The following TRIM9 variants were observed in gnomAD, a reference collection of about 807,000 sequenced individuals.
TRIM9 encodes the protein E3 ubiquitin-protein ligase TRIM9.
Under a neutral mutation model 78.3 loss-of-function variants are expected in TRIM9, and 26 were observed. The ratio of observed to expected loss-of-function variants is 0.33; its 90% CI spans 0.24 to 0.46. The LOEUF is 0.46. TRIM9 is among the 20% of genes least tolerant of loss of function. TRIM9 has a pLI of 1.00. For missense variants in TRIM9, 787 were observed against 1,036.4 expected, an observed-to-expected ratio of 0.76 and a Z score of 3.30; for synonymous variants, 398 against 416.5, an observed-to-expected ratio of 0.96 and a Z score of 0.54.
intron 1 of TRIM9, among the ~76,000 whole-genome samples, chr14:51,030,845 T>G (rs564329406): frequency 6.6e-6 from 1 of 151,970 alleles, no homozygotes; most frequent in South Asian, 2.1e-4. Flanking sequence ...TATTGTTAAT[T>G]GGTTATAAGA....
At chr14:51,083,181 C>T (rs1390208889) in intron 1 of TRIM9, among the ~76,000 whole-genome samples, 1 of 152,128 alleles carries the variant, frequency 6.6e-6, no homozygotes, top group Admixed American at 6.5e-5. Flanking sequence ...GAATCTTTGT[C>T]TAGTTTTCTA....
chr14:51,081,289 CA>C (rs1274311241), intron 1 of TRIM9, among the ~76,000 whole-genome samples: 1 of 152,038 alleles, frequency 6.6e-6, no homozygotes, highest in Non-Finnish European at 1.5e-5. Flanking sequence ...AAATCAAAAC[CA>C]CAAGACTTCA....
At chr14:51,036,033 T>C (rs947486268) in intron 1 of TRIM9, among the ~76,000 whole-genome samples, 4 of 152,178 alleles carry the variant, frequency 2.6e-5, no homozygotes, top group Non-Finnish European at 5.9e-5. Flanking sequence ...TCCAGCACTC[T>C]AGGTAAAAGC....
At chr14:50,996,157 C>T in intron 7 of TRIM9, 3 of 985,018 alleles carry the variant, frequency 3.0e-6, no homozygotes, top group Non-Finnish European at 3.6e-6. Context: ...TGATGATAGG[C>T]TTTTCTTTGT....
At chr14:51,036,029 A>G (rs1233503988) in intron 1 of TRIM9, among the ~76,000 whole-genome samples, 1 of 152,138 alleles carries the variant, frequency 6.6e-6, no homozygotes, top group Non-Finnish European at 1.5e-5. Context: ...TGCCTCCAGC[A>G]CTCTAGGTAA....
intron 1 of TRIM9, among the ~76,000 whole-genome samples, chr14:51,062,523 T>C (rs1407071983): frequency 6.6e-6 from 1 of 152,146 alleles, no homozygotes; most frequent in Non-Finnish European, 1.5e-5. Flanking sequence ...TTTGAAGGCA[T>C]TGGAGAGCAA....
chr14:50,984,346 A>G (rs1021959289), intron 8 of TRIM9, among the ~76,000 whole-genome samples: 3 of 152,276 alleles, frequency 2.0e-5, no homozygotes, highest in Non-Finnish European at 4.4e-5. Flanking sequence ...AGAATTAAAA[A>G]AGCAACTTAC....
chr14:51,052,418 C>T (rs1169732362), intron 1 of TRIM9, among the ~76,000 whole-genome samples: 1 of 152,214 alleles, frequency 6.6e-6, no homozygotes, highest in East Asian at 1.9e-4. Context: ...TCCTCTTCTC[C>T]TGGGAATTAA....
chr14:51,052,452 C>T (rs919484039), intron 1 of TRIM9, among the ~76,000 whole-genome samples: 1 of 152,126 alleles, frequency 6.6e-6, no homozygotes, highest in African/African-American at 2.4e-5. Context: ...CAACCCCAGC[C>T]CCTGGAGTTA....
At chr14:51,065,263 A>G (rs953443764) in intron 1 of TRIM9, among the ~76,000 whole-genome samples, 2 of 152,190 alleles carry the variant, frequency 1.3e-5, no homozygotes, top group Non-Finnish European at 2.9e-5. Context: ...TAAGAAGTCA[A>G]CTTTGAAACC....
intron 1 of TRIM9, among the ~76,000 whole-genome samples, chr14:51,026,102 G>A (rs931256657): frequency 6.6e-6 from 1 of 152,192 alleles, no homozygotes; most frequent in Admixed American, 6.5e-5. Context: ...ACACAATCCT[G>A]ACGGACGACA....
intron 6 of TRIM9, 75 bp downstream of exon 6, chr14:51,000,608 C>T (rs2054853556): frequency 6.3e-7 from 1 of 1,579,786 alleles, no homozygotes; most frequent in Non-Finnish European, 8.6e-7. Context: ...GAAGCCAGCC[C>T]TGAGACTCCC....
intron 12 of TRIM9, among the ~76,000 whole-genome samples, chr14:50,978,501 C>T (rs1236754020): frequency 6.6e-6 from 1 of 152,172 alleles, no homozygotes; most frequent in Non-Finnish European, 1.5e-5. Flanking sequence ...CAGGCTGTTC[C>T]CTCTGTCTGG....
intron 1 of TRIM9, among the ~76,000 whole-genome samples, chr14:51,075,757 G>A (rs1003147769): frequency 4.6e-5 from 7 of 152,154 alleles, no homozygotes; most frequent in African/African-American, 9.7e-5. Context: ...TTCCCAAGGC[G>A]GGGAGTGGGT....
At chr14:51,084,245 T>A (rs764819055) in intron 1 of TRIM9, among the ~76,000 whole-genome samples, 1 of 152,190 alleles carries the variant, frequency 6.6e-6, no homozygotes, top group Non-Finnish European at 1.5e-5. Context: ...AAATATGCCA[T>A]TTTTGAACCA....
At chr14:51,061,647 C>T (rs1459463653) in intron 1 of TRIM9, among the ~76,000 whole-genome samples, 1 of 152,040 alleles carries the variant, frequency 6.6e-6, no homozygotes, top group Non-Finnish European at 1.5e-5. Context: ...ATGATTGTAG[C>T]TTATACTTTT....
intron 11 of TRIM9, among the ~76,000 whole-genome samples, chr14:50,981,104 G>A (rs1282838881): frequency 1.3e-5 from 2 of 152,034 alleles, no homozygotes. Flanking sequence ...TACATTTGAG[G>A]AACACAATCA....
At chr14:50,986,223 TAAC>T in intron 7 of TRIM9, 79 bp from the exon 8 acceptor site, 1 of 1,186,050 alleles carries the variant, frequency 8.4e-7, no homozygotes, top group South Asian at 2.5e-5. Context: ...AGACCTGCCT[TAAC>T]AATGCATTCA....
chr14:51,082,168 C>T (rs940874154), intron 1 of TRIM9, among the ~76,000 whole-genome samples: 1 of 152,218 alleles, frequency 6.6e-6, no homozygotes, highest in African/African-American at 2.4e-5. Flanking sequence ...CTGGTCAAGA[C>T]ACTTCTAACT....
Sources: allele counts gnomAD v4.1 joint callset (sites outside exome capture counted in the v4.1 genomes callset), GRCh38; gene constraint gnomAD v4.1.1; transcripts MANE v1.5; gene names NCBI Gene and HGNC (gene_info 2026-07-23, HGNC 2026-07-21).